The following MICU3 variants were observed in gnomAD, a reference collection of about 807,000 sequenced individuals.
MICU3 encodes mitochondrial calcium uptake 3, also known as calcium uptake protein 3, mitochondrial.
MICU3 carries 62 observed loss-of-function variants against 66.5 expected under a neutral mutation model. That is an observed-to-expected ratio of 0.93 (90% CI 0.76 to 1.15). The LOEUF (loss-of-function observed/expected upper bound fraction) is 1.15, where lower values mean the gene tolerates loss of function less well. Ranked by LOEUF, MICU3 falls within the 50% of genes most tolerant of loss-of-function variation. The pLI is 0.00. For synonymous variants in MICU3, 308 were observed against 240.7 expected (o/e 1.28, Z -2.59); for missense variants, 779 against 664.4 (o/e 1.17, Z -1.90).
chr8:17,032,967 C>G (rs1045588425), intron 1 of MICU3, among the ~76,000 whole-genome samples: 2 of 152,140 alleles, frequency 1.3e-5, no homozygotes, highest in Non-Finnish European at 2.9e-5. Flanking sequence ...ATGAACCGCA[C>G]CCATATAAGA....
chr8:17,061,558 G>A (rs1365118498), intron 1 of MICU3, among the ~76,000 whole-genome samples: 1 of 152,116 alleles, frequency 6.6e-6, no homozygotes, highest in Non-Finnish European at 1.5e-5. Context: ...GCAGAAACTT[G>A]GGGTGCAGAA....
At chr8:17,034,621 C>A (rs1294011132) in intron 1 of MICU3, among the ~76,000 whole-genome samples, 3 of 152,114 alleles carry the variant, frequency 2.0e-5, no homozygotes, top group Admixed American at 2.0e-4. Context: ...AAGTTAATTC[C>A]AACTTTCATG....
At chr8:17,129,622 A>C in the MICU3 span, among the ~76,000 whole-genome samples, 1 of 152,200 alleles carries the variant, frequency 6.6e-6, no homozygotes, top group Admixed American at 6.5e-5. Flanking sequence ...AAAACTATTG[A>C]GGAAAAGAAA....
At chr8:17,054,516 T>C (rs994221320) in intron 1 of MICU3, among the ~76,000 whole-genome samples, 1 of 152,138 alleles carries the variant, frequency 6.6e-6, no homozygotes, top group Non-Finnish European at 1.5e-5. Context: ...AATAATTCAG[T>C]TGCATAATTA....
At chr8:17,056,659 C>T (rs1347170360) in intron 1 of MICU3, among the ~76,000 whole-genome samples, 1 of 152,164 alleles carries the variant, frequency 6.6e-6, no homozygotes, top group Non-Finnish European at 1.5e-5. Context: ...TATCCAGATA[C>T]TGTGTTGGCT....
chr8:17,114,041 T>TCGTCGTATCA, intron 11 of MICU3, 52 bp from the exon 12 acceptor site: 2 of 1,064,188 alleles, frequency 1.9e-6, no homozygotes, highest in Non-Finnish European at 2.7e-6. Context: ...AGATCCTGAT[T>TCGTCGTATCA]TTAATAAATT....
intron 9 of MICU3, 28 bp downstream of exon 9, chr8:17,098,581 G>C: frequency 1.4e-6 from 2 of 1,409,286 alleles, no homozygotes; most frequent in Non-Finnish European, 2.0e-6. Context: ...CAAGGTCCTT[G>C]TACTATTTGC....
intron 2 of MICU3, among the ~76,000 whole-genome samples, chr8:17,068,698 G>C (rs1819083398): frequency 1.3e-5 from 2 of 152,034 alleles, no homozygotes; most frequent in African/African-American, 4.8e-5. Flanking sequence ...CTTCTCTTTT[G>C]ATTTTAAATT....
chr8:17,084,084 T>C (rs183970451), intron 5 of MICU3, among the ~76,000 whole-genome samples: 3 of 152,222 alleles, frequency 2.0e-5, no homozygotes, highest in African/African-American at 7.2e-5. Flanking sequence ...TTATGGGATA[T>C]TGTTTACATT....
rs779365540 is a variant in MICU3 at position 17,069,707 on chromosome 8, A to G, written c.555A>G (p.Ser185=). 1.9e-6 allele frequency: 3 copies of G among 1,545,502 alleles called. No homozygotes were observed. Among genetic ancestry groups the G allele is most frequent in the Middle Eastern group, 3.4e-4 (2 of 5,822 alleles). The change falls in exon 3 of 15, where the codon TCA becomes TCG. Residue 185 remains serine, a synonymous_variant. Transcript: ENST00000318063. ...DEPKVAKTWK[S]LSKQELNQML... is the part of the protein sequence containing the mutation. ...TTTTAGTTGCCAAAACTTGGAAGTC[A>G]CTTTCCAAACAGGTGAGTTAAAGCT...
At chr8:17,032,923 C>T (rs1333214270) in intron 1 of MICU3, among the ~76,000 whole-genome samples, 1 of 152,168 alleles carries the variant, frequency 6.6e-6, no homozygotes, top group Admixed American at 6.5e-5. Flanking sequence ...GATCATTTAT[C>T]TTTGACCTTA....
intron 3 of MICU3, among the ~76,000 whole-genome samples, chr8:17,074,182 A>G (rs7844676): frequency 0.29 from 43,534 of 151,702 alleles, 6,690 homozygotes; most frequent in East Asian, 0.59. Context: ...TGCCGTGCCC[A>G]GCCTGTATAG....
At chr8:17,051,511 G>C (rs1379897048) in intron 1 of MICU3, among the ~76,000 whole-genome samples, 1 of 152,192 alleles carries the variant, frequency 6.6e-6, no homozygotes. Context: ...ATTTAAAAGA[G>C]GAAAGGAGGT....
chr8:17,104,453 GA>G lies in MICU3; in HGVS notation c.1050del (p.Gly351GlufsTer22). The G allele has an allele frequency of 6.8e-7, 1 of 1,463,712 alleles. No homozygotes were observed. The highest frequency in any genetic ancestry group is 1.6e-5 in the South Asian group (1 of 62,682). 90.7% of individuals were successfully genotyped at this position (1,463,712 alleles called of 1,614,324 possible). ...TTLLVHFFGK[K>X]GKAELNFEDF... ...CACTTCTTGTACACTTTTTTGGAAA[GA>G]AAGGAAAAGCTGAGCTCAACTTTGA... is the stretch of plus-strand genomic sequence containing the variant. On this transcript the variant is annotated frameshift_variant, in exon 10 of 15. Coordinates refer to ENST00000318063, the MANE Select transcript of MICU3 (RefSeq NM_181723.3). LOFTEE classifies it high-confidence loss of function.
At chr8:17,104,515 T>A in intron 10 of MICU3, 24 bp downstream of exon 10, 1 of 1,188,538 alleles carries the variant, frequency 8.4e-7, no homozygotes. Context: ...TATATTTTTA[T>A]TAAAAATTAT....
intron 9 of MICU3, among the ~76,000 whole-genome samples, chr8:17,098,832 AATTTACC>A (rs1340565314): frequency 6.6e-6 from 1 of 151,752 alleles, no homozygotes; most frequent in Non-Finnish European, 1.5e-5. Flanking sequence ...TTAAGCTTAC[AATTTACC>A]ATGTTACATG....
At chr8:17,105,663 T>C (rs1801678965) in intron 11 of MICU3, 79 bp downstream of exon 11, 1 of 734,742 alleles carries the variant, frequency 1.4e-6, no homozygotes, top group Admixed American at 3.6e-5. Flanking sequence ...CTTTTGTTAG[T>C]TCTTTGGCTT....
At chr8:17,055,607 C>T (rs778527813) in intron 1 of MICU3, among the ~76,000 whole-genome samples, 13 of 152,154 alleles carry the variant, frequency 8.5e-5, no homozygotes, top group Admixed American at 6.6e-5. Context: ...ACTTCTAGGC[C>T]TGGCCTATAA....
intron 11 of MICU3, 85 bp from the exon 12 acceptor site, chr8:17,114,008 A>T: frequency 1.3e-6 from 1 of 784,772 alleles, no homozygotes; most frequent in Non-Finnish European, 2.0e-6. Flanking sequence ...CAAATGCTTA[A>T]TCTGTTTTTT....
Sources: allele counts gnomAD v4.1 joint callset (sites outside exome capture counted in the v4.1 genomes callset), GRCh38; gene constraint gnomAD v4.1.1; transcripts MANE v1.5; gene names NCBI Gene and HGNC (gene_info 2026-07-23, HGNC 2026-07-21).